ANKH: variants seen among roughly 807,000 people sequenced by gnomAD.
ANKH encodes the protein ANKH inorganic pyrophosphate transport regulator.
Under a neutral mutation model 49.0 loss-of-function variants are expected in ANKH, and 15 were observed. The ratio of observed to expected loss-of-function variants is 0.31; its 90% CI spans 0.20 to 0.47. The LOEUF is 0.47. Ranked by LOEUF, ANKH falls within the 20% of genes least tolerant of loss-of-function variation. The pLI is 1.00. For missense variants in ANKH, 429 were observed against 652.0 expected (o/e 0.66, Z 3.72); for synonymous variants, 273 against 260.0 (o/e 1.05, Z -0.48).
Position 14,771,921 on chromosome 5 carries a change from GAAAAAAA to G in ANKH, c.97-2737_97-2731del, listed in dbSNP as rs869185652. On this transcript the variant is annotated intron_variant, in intron 1 of 11. Transcript: ENST00000284268. ...AGAGTGAGACTGTGTCTCAAAAAAA[GAAAAAAA>G]AAAAAAAAAAAAAAAAAAACCAAAA... Among the ~76,000 whole-genome samples, 302 of 53,400 alleles carry G rather than the reference GAAAAAAA, an allele frequency of 5.7e-3. 1 individual carries two copies. The highest frequency in any genetic ancestry group is 0.02 in the African/African-American group (290 of 14,506). The allele number at this position is 53,400 out of a possible 152,430, so 35.0% of individuals were successfully genotyped here.
intron 8 of ANKH, among the ~76,000 whole-genome samples, chr5:14,721,568 G>A (rs567921234): frequency 5.3e-5 from 8 of 152,290 alleles, no homozygotes; most frequent in Non-Finnish European, 1.0e-4. Context: ...GTTTTTCAAC[G>A]AGTGGATATT....
intron 1 of ANKH, among the ~76,000 whole-genome samples, chr5:14,775,518 T>C (rs541667772): frequency 6.6e-6 from 1 of 152,138 alleles, no homozygotes; most frequent in Non-Finnish European, 1.5e-5. Context: ...CGTGAACCCA[T>C]GGATAAGGGG....
chr5:14,721,029 T>C (rs1737642303), intron 8 of ANKH, among the ~76,000 whole-genome samples: 1 of 152,194 alleles, frequency 6.6e-6, no homozygotes, highest in Non-Finnish European at 1.5e-5. Flanking sequence ...AGAAAACCTT[T>C]GGAGCAGTGG....
chr5:14,789,102 C>G (rs1740075096), intron 1 of ANKH, among the ~76,000 whole-genome samples: 1 of 152,078 alleles, frequency 6.6e-6, no homozygotes, highest in Non-Finnish European at 1.5e-5. Flanking sequence ...GTGGTACGTG[C>G]CTGTAGTCCC....
In ANKH at chr5:14,716,810, G is replaced by A; in HGVS notation, c.1037C>T (p.Pro346Leu). 1 of 1,614,054 alleles carries A rather than the reference G, an allele frequency of 6.2e-7. No homozygotes were observed. The highest frequency in any genetic ancestry group is 8.5e-7 in the Non-Finnish European group (1 of 1,179,932). Residue 346 changes from proline (P) to leucine (L), a missense_variant, in exon 9 of 12, where the codon CCC becomes CTC. Coordinates refer to ENST00000284268, the MANE Select transcript of ANKH (RefSeq NM_054027.6). The stretch of plus-strand genomic sequence containing the variant: ...TATCAAGATTTTCTCAGACACGTTG[G>A]GTGTCCAAAACATCACGAAACAGAG... The part of the protein sequence containing the change: ...LTLCFVMFWT[P>L]NVSEKILIDI...
Position 14,709,905 on chromosome 5 carries a change from A to ATATC in ANKH, c.*1288_*1291dup, listed in dbSNP as rs1260437124. On this transcript the variant is annotated 3_prime_UTR_variant, in exon 12 of 12. Coordinates refer to ENST00000284268, the MANE Select transcript of ANKH (RefSeq NM_054027.6). ...TACATAACATATACAGCATATATTTATATCTTTAAAATATTTTTTTTTTTA... is the reference window on the plus strand; with the variant it reads ...TACATAACATATACAGCATATATTTATATCTATCTTTAAAATATTTTTTTTTTTA... 3.3e-5 allele frequency: 5 copies of ATATC among 152,592 alleles called. No homozygotes were observed. The highest frequency in any genetic ancestry group is 4.8e-5 in the African/African-American group (2 of 41,448). 9.5% of individuals were successfully genotyped at this position (152,592 alleles called of 1,614,324 possible). A position where few individuals can be genotyped will look rare whatever the true frequency, so the allele number is the denominator to read the frequency against.
At chr5:14,765,641 A>G (rs1739236836) in intron 2 of ANKH, among the ~76,000 whole-genome samples, 1 of 152,212 alleles carries the variant, frequency 6.6e-6, no homozygotes, top group African/African-American at 2.4e-5. Flanking sequence ...AGGAAAAAGA[A>G]TTCCTTAACT....
At chr5:14,818,063 C>CAAAA (rs34516771) in intron 1 of ANKH, among the ~76,000 whole-genome samples, 2 of 72,626 alleles carry the variant, frequency 2.8e-5, no homozygotes, top group South Asian at 5.0e-4. Context: ...GACTTTGTCT[C>CAAAA]AAAAAAAAAA....
chr5:14,746,008 G>A, intron 6 of ANKH, 46 bp from the exon 7 acceptor site: 2 of 1,522,758 alleles, frequency 1.3e-6, no homozygotes, highest in Non-Finnish European at 1.8e-6. Flanking sequence ...CCAGCAGGAA[G>A]TCCTCCAGGA....
intron 1 of ANKH, among the ~76,000 whole-genome samples, chr5:14,857,966 A>G (rs1008038012): frequency 2.0e-5 from 3 of 152,226 alleles, no homozygotes; most frequent in African/African-American, 7.2e-5. Flanking sequence ...TAATCCAAAG[A>G]AATAATCAGA....
chr5:14,762,736 G>A (rs1204139962), intron 2 of ANKH, among the ~76,000 whole-genome samples: 1 of 151,886 alleles, frequency 6.6e-6, no homozygotes, highest in Non-Finnish European at 1.5e-5. Flanking sequence ...GAGCTATTGG[G>A]GGGGTGGGGG....
Position 14,716,838 on chromosome 5 carries a change from G to A in ANKH, c.1012-3C>T, listed in dbSNP as rs1410548151. 6 of 1,613,666 alleles carry A rather than the reference G, an allele frequency of 3.7e-6. No homozygotes were observed. Among genetic ancestry groups the A allele is most frequent in the African/African-American group, 1.3e-5 (1 of 74,934 alleles). ...GTCCAAAACATCACGAAACAGAGCT[G>A]GGGAGAAAGACATCAAACAGGGTTG... is the stretch of plus-strand genomic sequence containing the variant. On this transcript the variant is annotated splice_polypyrimidine_tract_variant and splice_region_variant and intron_variant, in intron 8 of 11. Coordinates refer to ENST00000284268, the MANE Select transcript of ANKH (RefSeq NM_054027.6).
intron 8 of ANKH, among the ~76,000 whole-genome samples, chr5:14,738,109 G>T (rs1362553111): frequency 6.6e-6 from 1 of 152,206 alleles, no homozygotes. Context: ...CAACAAAACT[G>T]CTGGATAAGA....
At chr5:14,789,162 A>G (rs1208474217) in intron 1 of ANKH, among the ~76,000 whole-genome samples, 2 of 152,156 alleles carry the variant, frequency 1.3e-5, no homozygotes, top group Non-Finnish European at 2.9e-5. Flanking sequence ...TTGGAGGCAG[A>G]GGTTATAATG....
chr5:14,773,365 T>TC (rs1561048894), intron 1 of ANKH, among the ~76,000 whole-genome samples: 1 of 146,516 alleles, frequency 6.8e-6, no homozygotes, highest in East Asian at 2.0e-4. Context: ...TTTTTTTTTT[T>TC]TTTTTTTTTT....
At position 14,801,198 on chromosome 5, in the gene ANKH, G is replaced by A. The variant is rs1253375857; in HGVS notation, c.97-32007C>T. Among the ~76,000 whole-genome samples, 3 of 152,138 alleles carry A rather than the reference G, an allele frequency of 2.0e-5. No homozygotes were observed. The South Asian group carries it at 6.2e-4, about 32-fold the overall frequency. ...TTTAACAGAATTATTGGATCAAAAG[G>A]TTTCTTACCTGATTGTTTTAGTTGT... On this transcript the variant is annotated intron_variant, in intron 1 of 11. Transcript: ENST00000284268.
chr5:14,768,949 T>G (rs374127818), intron 2 of ANKH, 26 bp downstream of exon 2: 84 of 1,609,606 alleles, frequency 5.2e-5, no homozygotes, highest in Non-Finnish European at 7.0e-5. Flanking sequence ...AAAGCTAGAT[T>G]CGTCAGTGGC....
chr5:14,859,623 G>C (rs971680129), intron 1 of ANKH, among the ~76,000 whole-genome samples: 1 of 152,240 alleles, frequency 6.6e-6, no homozygotes, highest in African/African-American at 2.4e-5. Flanking sequence ...TCATTTTCAT[G>C]AGCAGTTACA....
intron 8 of ANKH, among the ~76,000 whole-genome samples, chr5:14,719,223 A>C (rs1737587728): frequency 6.6e-6 from 1 of 152,234 alleles, no homozygotes; most frequent in Non-Finnish European, 1.5e-5. Flanking sequence ...ATAAGTTTTG[A>C]AGGCGGATGA....
Sources: allele counts gnomAD v4.1 joint callset (sites outside exome capture counted in the v4.1 genomes callset), GRCh38; gene constraint gnomAD v4.1.1; transcripts MANE v1.5; gene names NCBI Gene and HGNC (gene_info 2026-07-23, HGNC 2026-07-21).